The following SLCO2A1 variants were observed in gnomAD, a reference collection of about 807,000 sequenced individuals.
The protein encoded by SLCO2A1 is solute carrier organic anion transporter family member 2A1.
Under a neutral mutation model 71.7 loss-of-function variants are expected in SLCO2A1, and 60 were observed. The observed-to-expected ratio is 0.84, with a 90% CI of 0.68 to 1.04. The LOEUF (loss-of-function observed/expected upper bound fraction) is 1.04, where lower values mean the gene tolerates loss of function less well. Ranked by LOEUF, SLCO2A1 falls within the 50% of genes least tolerant of loss-of-function variation. SLCO2A1 has a pLI of 0.00. For missense variants in SLCO2A1, 745 were observed against 813.4 expected (o/e 0.92, Z 1.02); for synonymous variants, 308 against 326.7 (o/e 0.94, Z 0.62).
chr3:133,981,141 G>A (rs552077521), intron 1 of SLCO2A1, among the ~76,000 whole-genome samples: 15 of 152,344 alleles, frequency 9.8e-5, no homozygotes, highest in South Asian at 2.1e-4. Context: ...GCACTTTGGG[G>A]CTTAGATGCT....
At chr3:133,964,144 G>T (rs756572493) in intron 3 of SLCO2A1, among the ~76,000 whole-genome samples, 1 of 152,130 alleles carries the variant, frequency 6.6e-6, no homozygotes, top group South Asian at 2.1e-4. Context: ...TGCCCCAGAG[G>T]AAAAAATGAG....
chr3:134,025,670 T>A (rs1261537107), intron 1 of SLCO2A1, among the ~76,000 whole-genome samples: 4 of 151,450 alleles, frequency 2.6e-5, no homozygotes, highest in Non-Finnish European at 5.9e-5. Context: ...AAAAAAAAAA[T>A]GAAAAAGATC....
intron 1 of SLCO2A1, among the ~76,000 whole-genome samples, chr3:133,985,200 A>G (rs1191324997): frequency 6.6e-6 from 1 of 152,252 alleles, no homozygotes; most frequent in Non-Finnish European, 1.5e-5. Flanking sequence ...AACTCCCTGG[A>G]GAAAACAAAT....
chr3:133,964,802 C>T (rs1007631883), intron 3 of SLCO2A1, among the ~76,000 whole-genome samples: 2 of 152,208 alleles, frequency 1.3e-5, no homozygotes, highest in Admixed American at 1.3e-4. Context: ...GGGCACAAGA[C>T]GGTAGGCTCA....
intron 1 of SLCO2A1, among the ~76,000 whole-genome samples, chr3:133,997,594 G>T (rs879495298): frequency 2.0e-5 from 3 of 152,240 alleles, no homozygotes; most frequent in Non-Finnish European, 4.4e-5. Flanking sequence ...ACAACTGCTA[G>T]AAGCAAGGAG....
At chr3:134,012,831 T>C (rs1349276281) in intron 1 of SLCO2A1, among the ~76,000 whole-genome samples, 1 of 152,176 alleles carries the variant, frequency 6.6e-6, no homozygotes, top group East Asian at 1.9e-4. Flanking sequence ...ACACCATCCC[T>C]GACTCTCCTC....
At chr3:133,990,753 C>CA (rs948480272) in intron 1 of SLCO2A1, among the ~76,000 whole-genome samples, 3 of 152,078 alleles carry the variant, frequency 2.0e-5, no homozygotes, top group African/African-American at 7.2e-5. Flanking sequence ...CTTAAGAGGC[C>CA]AATAAGGATA....
At chr3:134,017,951 T>C (rs1935494188) in intron 1 of SLCO2A1, among the ~76,000 whole-genome samples, 1 of 152,034 alleles carries the variant, frequency 6.6e-6, no homozygotes, top group Non-Finnish European at 1.5e-5. Flanking sequence ...AAGACAGTGA[T>C]CAGAAAGAGG....
intron 1 of SLCO2A1, among the ~76,000 whole-genome samples, chr3:134,006,525 T>C (rs1416459597): frequency 6.6e-6 from 1 of 152,268 alleles, no homozygotes; most frequent in African/African-American, 2.4e-5. Flanking sequence ...TTTCTGTCTC[T>C]ATGAATTTTA....
Position 133,955,108 on chromosome 3 carries a change from G to A in SLCO2A1, c.483C>T (p.Asn161=). The part of the protein sequence containing the change: ...PPSKCHSTTQ[N]PQKETSSMWG... Reference sequence around the variant, plus strand: ...ACATGCTGCTGGTCTCCTTCTGGGGGTTCTGGGTGGTGCTGTGGCACTTAC... The same window carrying A: ...ACATGCTGCTGGTCTCCTTCTGGGGATTCTGGGTGGTGCTGTGGCACTTAC... Residue 161 remains asparagine (N), a synonymous_variant, in exon 4 of 14, where the codon AAC becomes AAT. Coordinates refer to ENST00000310926, the MANE Select transcript of SLCO2A1 (RefSeq NM_005630.3). 2 of 1,614,210 alleles carry A rather than the reference G, an allele frequency of 1.2e-6. No homozygotes were observed. The highest frequency in any genetic ancestry group is 1.7e-6 in the Non-Finnish European group (2 of 1,180,040).
rs761694833 is a variant in SLCO2A1 at position 133,933,971 on chromosome 3, T to A, written c.*742A>T. The A allele has an allele frequency of 6.6e-6, 1 of 152,208 alleles. No homozygotes were observed. Among genetic ancestry groups the A allele is most frequent in the Non-Finnish European group, 1.5e-5 (1 of 68,060 alleles). 9.4% of individuals were successfully genotyped at this position (152,208 alleles called of 1,614,324 possible). ...GAAACGTACCCCAGAAAGACAGGGA[T>A]AACATGTGAGGATCTAAGGACAGAA... On this transcript the variant is annotated 3_prime_UTR_variant, in exon 14 of 14. Coordinates refer to ENST00000310926, the MANE Select transcript of SLCO2A1 (RefSeq NM_005630.3).
intron 3 of SLCO2A1, among the ~76,000 whole-genome samples, chr3:133,959,605 G>A (rs139014934): frequency 5.9e-4 from 90 of 152,204 alleles, no homozygotes; most frequent in African/African-American, 2.1e-3. Flanking sequence ...GGGGCAGATT[G>A]CTTAAGCCCA....
chr3:133,941,975 T>A (rs1933435168), intron 11 of SLCO2A1, among the ~76,000 whole-genome samples: 1 of 152,200 alleles, frequency 6.6e-6, no homozygotes, highest in African/African-American at 2.4e-5. Context: ...TCTGCCATAC[T>A]AGGCTAGTGA....
At chr3:133,995,137 A>G (rs977510343) in intron 1 of SLCO2A1, among the ~76,000 whole-genome samples, 2 of 129,140 alleles carry the variant, frequency 1.5e-5, no homozygotes, top group Non-Finnish European at 3.5e-5. Context: ...AAACCCCTAG[A>G]GCCCCTCTCA....
At position 133,953,539 on chromosome 3, in the gene SLCO2A1, G is replaced by A. The variant is rs1049494549; in HGVS notation, c.724+124C>T. On this transcript the variant is annotated intron_variant, in intron 5 of 13. Coordinates refer to ENST00000310926, the MANE Select transcript of SLCO2A1 (RefSeq NM_005630.3). ...CGAGGGACTGCAGGGATGAGTGAGC[G>A]AGTGAGGAGGTGGCAGAGCGCATCT... 6.0e-5 allele frequency: 43 copies of A among 711,318 alleles called. 1 individual carries two copies. Among genetic ancestry groups the A allele is most frequent in the South Asian group, 3.3e-4 (19 of 58,172 alleles). The allele number at this position is 711,318 out of a possible 1,614,324, so 44.1% of individuals were successfully genotyped here.
chr3:134,018,939 T>A (rs900238413), intron 1 of SLCO2A1, among the ~76,000 whole-genome samples: 4 of 152,206 alleles, frequency 2.6e-5, no homozygotes, highest in African/African-American at 7.2e-5. Context: ...AAAACCCACC[T>A]GAAAGCTGCC....
intron 4 of SLCO2A1, among the ~76,000 whole-genome samples, chr3:133,954,608 T>C (rs1260368154): frequency 1.3e-5 from 2 of 152,202 alleles, no homozygotes; most frequent in Admixed American, 6.5e-5. Context: ...GAAGGACTAG[T>C]CAGAGAGCAA....
At chr3:134,002,655 G>A (rs1935128508) in intron 1 of SLCO2A1, among the ~76,000 whole-genome samples, 1 of 152,164 alleles carries the variant, frequency 6.6e-6, no homozygotes, top group Admixed American at 6.5e-5. Flanking sequence ...GCAGTTTTCT[G>A]GGCCCCACCT....
At chr3:133,980,194 G>T in intron 1 of SLCO2A1, among the ~76,000 whole-genome samples, 1 of 152,216 alleles carries the variant, frequency 6.6e-6, no homozygotes, top group South Asian at 2.1e-4. Flanking sequence ...CACCTGGTTT[G>T]AATGAATGTT....
Sources: allele counts gnomAD v4.1 joint callset (sites outside exome capture counted in the v4.1 genomes callset), GRCh38; gene constraint gnomAD v4.1.1; transcripts MANE v1.5; gene names NCBI Gene and HGNC (gene_info 2026-07-23, HGNC 2026-07-21).